NGEF: variants seen among roughly 807,000 people sequenced by gnomAD.
The protein encoded by NGEF is neuronal guanine nucleotide exchange factor.
In NGEF, 31 loss-of-function variants were observed where a neutral mutation model predicts 80.9. The ratio of observed to expected loss-of-function variants is 0.38; its 90% CI spans 0.29 to 0.52. NGEF has a LOEUF of 0.52. Ranked by LOEUF, NGEF falls within the 20% of genes least tolerant of loss-of-function variation. The probability of loss-of-function intolerance (pLI) is 0.84; values close to 1 mark genes in which losing one functional copy is unlikely to be tolerated. For synonymous variants in NGEF, 371 were observed against 370.2 expected (o/e 1.00, Z -0.03); for missense variants, 709 against 926.2 (o/e 0.77, Z 3.04).
chr2:232,893,980 T>G (rs1023312078), intron 6 of NGEF, among the ~76,000 whole-genome samples: 1 of 151,940 alleles, frequency 6.6e-6, no homozygotes, highest in Non-Finnish European at 1.5e-5. Flanking sequence ...GGGTGCCACA[T>G]GTGATGCTGA....
intron 1 of NGEF, among the ~76,000 whole-genome samples, chr2:233,008,772 T>C (rs1033707039): frequency 6.6e-6 from 1 of 152,166 alleles, no homozygotes; most frequent in Non-Finnish European, 1.5e-5. Context: ...TCTTTTTCCT[T>C]TTTTTAAAAA....
In NGEF at chr2:232,891,427, C is replaced by T. The variant is rs373218152; in HGVS notation, c.1203G>A (p.Arg401=). 6.2e-7 allele frequency: 1 copy of T among 1,613,368 alleles called. No individual in the cohort carries two copies. Among genetic ancestry groups the T allele is most frequent in the Non-Finnish European group, 8.5e-7 (1 of 1,179,994 alleles). ...IAQLELDPKC[R]GLPFSSFLIL... ...TGAGGAAGGAGGAGAAGGGCAGCCC[C>T]CTGCACTTGGGGTCGAGCTCTAGCT... Residue 401 remains arginine, a synonymous_variant, in exon 8 of 15, where the codon AGG becomes AGA. Coordinates refer to ENST00000264051, the MANE Select transcript of NGEF (RefSeq NM_019850.3).
chr2:232,952,566 GA>G (rs1295027652), intron 3 of NGEF, among the ~76,000 whole-genome samples: 1 of 152,140 alleles, frequency 6.6e-6, no homozygotes, highest in African/African-American at 2.4e-5. Flanking sequence ...TCTCATCTTA[GA>G]TCTGTTTAAC....
At chr2:232,931,590 A>G (rs1012469544) in intron 3 of NGEF, among the ~76,000 whole-genome samples, 2 of 152,246 alleles carry the variant, frequency 1.3e-5, no homozygotes, top group Non-Finnish European at 2.9e-5. Context: ...CAAGGGTGTG[A>G]TGGACAGACC....
At chr2:233,006,005 C>CG (rs1454217848) in intron 1 of NGEF, among the ~76,000 whole-genome samples, 1 of 152,098 alleles carries the variant, frequency 6.6e-6, no homozygotes, top group Non-Finnish European at 1.5e-5. Flanking sequence ...TTTGTAGAGA[C>CG]GGGGTTTTGT....
intron 1 of NGEF, among the ~76,000 whole-genome samples, chr2:233,003,693 G>A (rs1208289644): frequency 6.6e-6 from 1 of 152,102 alleles, no homozygotes. Flanking sequence ...CCAGGGCCAG[G>A]CCCTGGAGAA....
intron 5 of NGEF, among the ~76,000 whole-genome samples, chr2:232,913,706 A>G (rs1421993224): frequency 6.6e-6 from 1 of 152,092 alleles, no homozygotes; most frequent in Non-Finnish European, 1.5e-5. Flanking sequence ...TGATCACGAG[A>G]TCAGGAGATT....
intron 3 of NGEF, among the ~76,000 whole-genome samples, chr2:232,967,457 C>T (rs532914968): frequency 1.4e-4 from 22 of 152,170 alleles, no homozygotes; most frequent in African/African-American, 4.3e-4. Context: ...GCCTCAGCCT[C>T]CCAAGTAGCT....
At chr2:232,893,243 G>A (rs1051542196) in intron 6 of NGEF, among the ~76,000 whole-genome samples, 193 bp from the exon 7 acceptor site, 6 of 152,242 alleles carry the variant, frequency 3.9e-5, no homozygotes, top group African/African-American at 1.4e-4. Flanking sequence ...AAGAATGACT[G>A]TGTTTTCACG....
intron 5 of NGEF, among the ~76,000 whole-genome samples, chr2:232,899,579 GTCAC>G (rs1274101352): frequency 1.3e-5 from 2 of 150,576 alleles, no homozygotes; most frequent in African/African-American, 2.5e-5. Flanking sequence ...TGCTCTCACA[GTCAC>G]TCATATACAC....
rs776826406 is a variant in NGEF, at chr2:232,927,980, G to A, written c.384-794C>T. On this transcript the variant is annotated intron_variant, in intron 3 of 14. Coordinates refer to ENST00000264051, the MANE Select transcript of NGEF (RefSeq NM_019850.3). ...GTCCACGGCGCAGGCGGCGCTGAAGGCAGCGGCCAGCAGCTCCATAGGGTC... is the reference window on the plus strand; with the variant it reads ...GTCCACGGCGCAGGCGGCGCTGAAGACAGCGGCCAGCAGCTCCATAGGGTC... The A allele has an allele frequency of 9.4e-6, 12 of 1,281,592 alleles. No homozygotes were observed. The South Asian group carries it at 3.2e-4, about 34-fold the overall frequency. 79.4% of individuals were successfully genotyped at this position (1,281,592 alleles called of 1,614,324 possible).
chr2:232,883,264 G>C, intron 12 of NGEF, 47 bp downstream of exon 12: 1 of 1,541,210 alleles, frequency 6.5e-7, no homozygotes, highest in South Asian at 1.2e-5. Flanking sequence ...AGGCCACACA[G>C]AAAGGTGCCA....
chr2:232,895,413 G>A lies in NGEF; in HGVS notation c.829-497C>T, dbSNP rs553681579. ...GTGGTAGCACATGCCTGTAATCCTA[G>A]CTGCTTGGGAGGCTGAGGCATGAGA... is the stretch of plus-strand genomic sequence containing the variant. On this transcript the variant is annotated intron_variant, in intron 5 of 14. Transcript: ENST00000264051. Among the ~76,000 whole-genome samples, 816 of 152,004 alleles carry A rather than the reference G, an allele frequency of 5.4e-3. 6 individuals are homozygous for A. Among genetic ancestry groups the A allele is most frequent in the Non-Finnish European group, 8.6e-3 (585 of 67,988 alleles).
chr2:232,895,899 G>A (rs577872148), intron 5 of NGEF, among the ~76,000 whole-genome samples: 1 of 152,282 alleles, frequency 6.6e-6, no homozygotes, highest in South Asian at 2.1e-4. Context: ...TCACCTGATT[G>A]CTGAGCCTCT....
chr2:232,943,556 C>T lies in NGEF; in HGVS notation c.384-16370G>A, dbSNP rs180815335. ...TGTCGCCCAGGCTGGAGTGCAGTGG[C>T]GCGATCTCGGCTCACTGCAAGCTCC... On this transcript the variant is annotated intron_variant, in intron 3 of 14. Transcript: ENST00000264051. Among the ~76,000 whole-genome samples the T allele has an allele frequency of 6.0e-4, 73 of 121,322 alleles. No homozygotes were observed. In the South Asian group the frequency reaches 6.8e-3, roughly 11 times the overall value. 79.6% of individuals were successfully genotyped at this position (121,322 alleles called of 152,430 possible).
At chr2:232,935,723 A>G (rs571842285) in intron 3 of NGEF, among the ~76,000 whole-genome samples, 1 of 152,238 alleles carries the variant, frequency 6.6e-6, no homozygotes, top group Non-Finnish European at 1.5e-5. Context: ...GGAACAGCAC[A>G]TTGCTATTCA....
At chr2:232,880,770 A>ACAGGTCTGGGT (rs1553543267) in intron 14 of NGEF, among the ~76,000 whole-genome samples, 2 of 150,624 alleles carry the variant, frequency 1.3e-5, no homozygotes, top group East Asian at 2.0e-4. Flanking sequence ...AGCTGCAAGT[A>ACAGGTCTGGGT]CAGGTCTGGG....
At chr2:232,891,562 C>A (rs1462130246) in intron 7 of NGEF, 75 bp from the exon 8 acceptor site, 2 of 1,495,438 alleles carry the variant, frequency 1.3e-6, no homozygotes, top group African/African-American at 2.8e-5. Flanking sequence ...TCCCCATCCA[C>A]AGCCTCCCAG....
Position 232,906,253 on chromosome 2 carries a change from A to G in NGEF, c.829-11337T>C, listed in dbSNP as rs868207940. Among the ~76,000 whole-genome samples the G allele has an allele frequency of 5.5e-3, 418 of 76,378 alleles. 9 individuals carry two copies. Among genetic ancestry groups the G allele is most frequent in the African/African-American group, 0.017 (305 of 17,994 alleles). 50.1% of individuals were successfully genotyped at this position (76,378 alleles called of 152,430 possible). ...AGCCCCCCGCCCGGCCAGCCGCCCC[A>G]TCCGGGAGGTGAGGGGCGCCTCTGC... On this transcript the variant is annotated intron_variant, in intron 5 of 14. Coordinates refer to ENST00000264051, the MANE Select transcript of NGEF (RefSeq NM_019850.3).
Sources: gnomAD v4.1 joint callset for allele counts (sites outside exome capture counted in the v4.1 genomes callset) on GRCh38, gnomAD v4.1.1 for gene constraint, MANE v1.5 for transcripts, NCBI Gene and HGNC (gene_info 2026-07-23, HGNC 2026-07-21) for gene names.